The following LRMDA variants were observed in gnomAD, a reference collection of about 807,000 sequenced individuals.
The protein encoded by LRMDA is leucine rich melanocyte differentiation associated.
LRMDA carries 18 observed loss-of-function variants against 29.8 expected under a neutral mutation model. The observed-to-expected ratio is 0.60, with a 90% CI of 0.42 to 0.90. LRMDA has a LOEUF of 0.90. LRMDA is among the 40% of genes least tolerant of loss of function. The pLI is 0.00. For missense variants in LRMDA, 273 were observed against 273.9 expected, an observed-to-expected ratio of 1.00 and a Z score of 0.02; for synonymous variants, 125 against 109.4, an observed-to-expected ratio of 1.14 and a Z score of -0.89.
chr10:75,496,101 TC>T (rs1377129191), intron 2 of LRMDA, among the ~76,000 whole-genome samples: 1 of 152,224 alleles, frequency 6.6e-6, no homozygotes, highest in Non-Finnish European at 1.5e-5. Flanking sequence ...TGTTTGTACC[TC>T]TGGGTCATTT....
At chr10:76,425,434 T>A (rs574795758) in intron 6 of LRMDA, among the ~76,000 whole-genome samples, 26 of 152,194 alleles carry the variant, frequency 1.7e-4, no homozygotes, top group African/African-American at 5.8e-4. Context: ...TTGTGTGGAC[T>A]TGGCCAAGTT....
chr10:75,855,100 G>A (rs1169394307), intron 2 of LRMDA, among the ~76,000 whole-genome samples: 1 of 152,150 alleles, frequency 6.6e-6, no homozygotes, highest in Non-Finnish European at 1.5e-5. Context: ...GGATGGCTGG[G>A]TCAAATGGTA....
At chr10:75,918,171 A>C (rs1024491637) in intron 2 of LRMDA, among the ~76,000 whole-genome samples, 5 of 152,216 alleles carry the variant, frequency 3.3e-5, no homozygotes, top group African/African-American at 1.2e-4. Flanking sequence ...GGGGTCGAGC[A>C]AGTAGAAAAT....
At chr10:76,210,161 A>G (rs1283221066) in intron 5 of LRMDA, among the ~76,000 whole-genome samples, 1 of 152,210 alleles carries the variant, frequency 6.6e-6, no homozygotes, top group Non-Finnish European at 1.5e-5. Context: ...ATCAGTTAAA[A>G]ATACACAAAA....
chr10:76,460,413 C>T (rs1422895926), intron 6 of LRMDA, among the ~76,000 whole-genome samples: 1 of 152,196 alleles, frequency 6.6e-6, no homozygotes, highest in Non-Finnish European at 1.5e-5. Context: ...GAGGATTGGC[C>T]TTCATCAATT....
At chr10:75,438,624 T>C in intron 2 of LRMDA, 130 bp downstream of exon 2, 1 of 684,320 alleles carries the variant, frequency 1.5e-6, no homozygotes, top group South Asian at 1.9e-5. Context: ...CAGAAGGCTC[T>C]GAGATGCGTG....
chr10:75,488,073 C>T (rs1309364318), intron 2 of LRMDA, among the ~76,000 whole-genome samples: 2 of 152,064 alleles, frequency 1.3e-5, no homozygotes, highest in African/African-American at 4.8e-5. Context: ...GAGGGAGAAA[C>T]CTGACTTATG....
chr10:75,706,231 G>T (rs1842366549), intron 2 of LRMDA, among the ~76,000 whole-genome samples: 1 of 147,628 alleles, frequency 6.8e-6, no homozygotes. Flanking sequence ...GGACTATATA[G>T]TTTTCTCACA....
intron 2 of LRMDA, among the ~76,000 whole-genome samples, chr10:75,996,087 A>G (rs987017951): frequency 6.6e-6 from 1 of 152,234 alleles, no homozygotes; most frequent in Non-Finnish European, 1.5e-5. Context: ...TGTGTGTAAA[A>G]AGAATCACTG....
At chr10:76,399,099 T>C (rs1841820715) in intron 6 of LRMDA, among the ~76,000 whole-genome samples, 3 of 152,216 alleles carry the variant, frequency 2.0e-5, no homozygotes, top group Admixed American at 6.5e-5. Flanking sequence ...CTGTGTGATT[T>C]AGAGCAAGGC....
At chr10:76,193,784 A>G (rs1851286753) in intron 5 of LRMDA, among the ~76,000 whole-genome samples, 1 of 152,168 alleles carries the variant, frequency 6.6e-6, no homozygotes, top group Non-Finnish European at 1.5e-5. Context: ...CTAGGGAGTC[A>G]GAGATCCAAG....
At chr10:75,582,336 G>T (rs559133495) in intron 2 of LRMDA, among the ~76,000 whole-genome samples, 1 of 151,356 alleles carries the variant, frequency 6.6e-6, no homozygotes, top group Non-Finnish European at 1.5e-5. Flanking sequence ...TGAAATCTAG[G>T]TGGAGTCTCC....
intron 6 of LRMDA, among the ~76,000 whole-genome samples, chr10:76,553,240 C>T (rs1030917317): frequency 2.6e-5 from 4 of 152,222 alleles, no homozygotes; most frequent in Non-Finnish European, 2.9e-5. Flanking sequence ...GCTTTACTTA[C>T]TATGGCCAAA....
intron 2 of LRMDA, among the ~76,000 whole-genome samples, chr10:75,799,119 T>C (rs1181348403): frequency 1.3e-5 from 2 of 152,208 alleles, no homozygotes; most frequent in Non-Finnish European, 2.9e-5. Context: ...TTTCTGTGAG[T>C]TCTGAGAGAG....
At chr10:75,893,586 G>A (rs1048647150) in intron 2 of LRMDA, among the ~76,000 whole-genome samples, 1 of 152,212 alleles carries the variant, frequency 6.6e-6, no homozygotes, top group Non-Finnish European at 1.5e-5. Context: ...CTGGTGAACT[G>A]TTGAAAACTG....
rs562403838 is a variant in LRMDA at position 76,559,300 on chromosome 10, T to C, written c.*2012T>C. 3 of 152,342 alleles carry C rather than the reference T, an allele frequency of 2.0e-5. No homozygotes were observed. The highest frequency in any genetic ancestry group is 2.1e-4 in the South Asian group (1 of 4,824). 9.4% of individuals were successfully genotyped at this position (152,342 alleles called of 1,614,324 possible). ...GAACCATTTGTATCATGCGCAGGAA[T>C]GTCTCCCTCAATGTGAGCTTTGGAG... On this transcript the variant is annotated 3_prime_UTR_variant, in exon 7 of 7. Coordinates refer to ENST00000611255, the MANE Select transcript of LRMDA (RefSeq NM_001305581.2).
chr10:75,894,936 C>T (rs1845558176), intron 2 of LRMDA, among the ~76,000 whole-genome samples: 1 of 152,192 alleles, frequency 6.6e-6, no homozygotes, highest in Admixed American at 6.5e-5. Flanking sequence ...ATACTGTTTT[C>T]CTTACTTTCA....
rs1045107346 is a variant in LRMDA at position 75,978,167 on chromosome 10, A to G, written c.132-57841A>G. ...GTTCATTAGAATGAGGCTTAGCTGCATGTAGCAGAAGAGCTCAAGTTAACA... is the reference window on the plus strand; with the variant it reads ...GTTCATTAGAATGAGGCTTAGCTGCGTGTAGCAGAAGAGCTCAAGTTAACA... On this transcript the variant is annotated intron_variant, in intron 2 of 6. Coordinates refer to ENST00000611255, the MANE Select transcript of LRMDA (RefSeq NM_001305581.2). Among the ~76,000 whole-genome samples, 5 of 152,236 alleles carry G rather than the reference A, an allele frequency of 3.3e-5. No individual in the cohort carries two copies. In the South Asian group the frequency reaches 8.3e-4, roughly 25 times the overall value.
At chr10:75,994,418 G>A (rs891719126) in intron 2 of LRMDA, among the ~76,000 whole-genome samples, 10 of 152,180 alleles carry the variant, frequency 6.6e-5, no homozygotes, top group Admixed American at 1.3e-4. Flanking sequence ...CCAGTAGCAT[G>A]CTCTGAACAT....
Sources: gnomAD v4.1 joint callset for allele counts (sites outside exome capture counted in the v4.1 genomes callset) on GRCh38, gnomAD v4.1.1 for gene constraint, MANE v1.5 for transcripts, NCBI Gene and HGNC (gene_info 2026-07-23, HGNC 2026-07-21) for gene names.